PCDHA9: variants seen among roughly 807,000 people sequenced by gnomAD.
PCDHA9 encodes protocadherin alpha-9.
A neutral mutation model predicts 62.0 loss-of-function variants in PCDHA9; 62 were observed. That is an observed-to-expected ratio of 1.00 (90% confidence interval 0.81 to 1.23). The LOEUF is 1.23. PCDHA9 is among the 50% of genes most tolerant of loss of function. The pLI, the probability that PCDHA9 is intolerant of heterozygous loss-of-function variation, is 0.00. For missense variants in PCDHA9, 1,205 were observed against 1,249.8 expected (o/e 0.96, Z 0.54); for synonymous variants, 557 against 567.6 (o/e 0.98, Z 0.27).
At chr5:140,864,940 G>T (rs528676037) in intron 1 of PCDHA9, 4 of 152,296 alleles carry the variant, frequency 2.6e-5, no homozygotes, top group African/African-American at 9.6e-5. Flanking sequence ...TCTCAGGCCT[G>T]TAATCCCAGC....
In PCDHA9 at chr5:140,850,110, G is replaced by T; in HGVS notation, c.1615G>T (p.Asp539Tyr). 6.3e-7 allele frequency: 1 copy of T among 1,596,146 alleles called. No individual in the cohort carries two copies. The highest frequency in any genetic ancestry group is 1.1e-5 in the South Asian group (1 of 90,486). Residue 539 changes from aspartate (D) to tyrosine (Y), a missense_variant, in exon 1 of 4, where the codon GAC becomes TAC. By Grantham distance (160) the Asp-to-Tyr change is radical (BLOSUM62 -3). Transcript: ENST00000532602. ...GCTACAGTTCCAGGTGAGCGCGCGC[G>T]ACGCGGGCGTGCCGCCTCTGGGCAG... ...ELLQFQVSAR[D>Y]AGVPPLGSNV...
At position 140,927,139 on chromosome 5, in the gene PCDHA9, C is replaced by G. The variant is rs782726149; in HGVS notation, c.2395-51810C>G. 6 of 1,613,928 alleles carry G rather than the reference C, an allele frequency of 3.7e-6. No homozygotes were observed. The Admixed American group carries it at 5.0e-5, about 13-fold the overall frequency. On this transcript the variant is annotated intron_variant, in intron 1 of 3. Coordinates refer to ENST00000532602, the MANE Select transcript of PCDHA9 (RefSeq NM_031857.2). Reference sequence around the variant, plus strand: ...TTTGGTGGTCAGAGAGCCGGCGGACCGCGAACAGCTGTGCAGGGCCAAAGC... The same window carrying G: ...TTTGGTGGTCAGAGAGCCGGCGGACGGCGAACAGCTGTGCAGGGCCAAAGC...
chr5:140,877,793 C>T, intron 1 of PCDHA9: 1 of 1,613,948 alleles, frequency 6.2e-7, no homozygotes, highest in Non-Finnish European at 8.5e-7. Flanking sequence ...GCCTTCAGCC[C>T]AAGCCTTCAG....
chr5:140,878,856 G>T (rs1210501065), intron 1 of PCDHA9, among the ~76,000 whole-genome samples: 1 of 152,168 alleles, frequency 6.6e-6, no homozygotes, highest in Admixed American at 6.5e-5. Flanking sequence ...GGGTTCAACT[G>T]ATCCTCCATT....
At chr5:140,876,133 GAACT>G (rs782651538) in intron 1 of PCDHA9, 8 of 1,613,820 alleles carry the variant, frequency 5.0e-6, no homozygotes, top group East Asian at 2.2e-5. Flanking sequence ...CGGTAAACCA[GAACT>G]AACAGGGTCT....
chr5:140,920,640 T>C (rs1554199754), intron 1 of PCDHA9, among the ~76,000 whole-genome samples: 1 of 152,038 alleles, frequency 6.6e-6, no homozygotes, highest in African/African-American at 2.4e-5. Context: ...GGTCAAGAGA[T>C]TGAGACCATC....
At chr5:140,982,409 G>A (rs1554244106) in intron 2 of PCDHA9, 66 bp from the exon 3 acceptor site, 20 of 1,608,038 alleles carry the variant, frequency 1.2e-5, no homozygotes, top group Non-Finnish European at 1.6e-5. Flanking sequence ...CAATTTCTGA[G>A]GGTGGAAGAA....
In PCDHA9 at chr5:140,858,082, G is replaced by C; in HGVS notation, c.2394+7193G>C. 4 of 1,597,832 alleles carry C rather than the reference G, an allele frequency of 2.5e-6. 1 individual carries two copies. Among genetic ancestry groups the C allele is most frequent in the Non-Finnish European group, 3.4e-6 (4 of 1,167,698 alleles). ...AGGGCAGCCAGGCACCCAAGGCCTC[G>C]TCGCGGGCTTCAGTGGGCGTGGCGC... On this transcript the variant is annotated intron_variant, in intron 1 of 3. Transcript: ENST00000532602.
intron 1 of PCDHA9, chr5:140,877,919 T>A: frequency 7.0e-7 from 1 of 1,423,998 alleles, no homozygotes; most frequent in South Asian, 1.6e-5. Flanking sequence ...CTCTCATTTT[T>A]CTTTATGATT....
chr5:140,849,985 G>A lies in PCDHA9; in HGVS notation c.1490G>A (p.Arg497Gln), dbSNP rs2150461572. Residue 497 changes from arginine (R) to glutamine (Q), a missense_variant, in exon 1 of 4, where the codon CGG becomes CAG. Arg to Gln is a conservative substitution (Grantham distance 43). Coordinates refer to ENST00000532602, the MANE Select transcript of PCDHA9 (RefSeq NM_031857.2). ...CTGGTGTCCTACTCGCTGGTGGAGC[G>A]GCGGTTGGGCGAGCGCTCGCTGTCG... ...NALVSYSLVE[R>Q]RLGERSLSSY... 42 of 1,597,276 alleles carry A rather than the reference G, an allele frequency of 2.6e-5. No homozygotes were observed. The East Asian group carries it at 9.4e-4, about 36-fold the overall frequency.
At chr5:140,870,099 C>T in intron 1 of PCDHA9, 8 of 1,613,912 alleles carry the variant, frequency 5.0e-6, no homozygotes, top group Non-Finnish European at 6.8e-6. Context: ...TGGCAGGTCA[C>T]TGTACAGTCT....
intron 1 of PCDHA9, chr5:140,871,073 C>T (rs782763189): frequency 1.1e-5 from 18 of 1,613,090 alleles, no homozygotes; most frequent in Non-Finnish European, 1.4e-5. Context: ...GGTGAGCCGG[C>T]GCTGACGGCC....
intron 1 of PCDHA9, among the ~76,000 whole-genome samples, chr5:140,930,626 A>G (rs1554207971): frequency 6.6e-6 from 1 of 152,220 alleles, no homozygotes; most frequent in Non-Finnish European, 1.5e-5. Flanking sequence ...GGAGGTGTGT[A>G]GAAATTAAGG....
intron 1 of PCDHA9, among the ~76,000 whole-genome samples, chr5:140,935,507 G>A (rs2090409706): frequency 6.6e-6 from 1 of 152,138 alleles, no homozygotes. Context: ...CCTTACAAAT[G>A]CCCAGTAGGC....
chr5:140,891,934 T>C lies in PCDHA9; in HGVS notation c.2394+41045T>C, dbSNP rs373423866. Among the ~76,000 whole-genome samples the C allele has an allele frequency of 5.9e-5, 9 of 152,230 alleles. No homozygotes were observed. The East Asian group carries it at 9.6e-4, about 16-fold the overall frequency. ...AGATGCTGGTGCCTTGATCTTGGAC[T>C]TCCCCTAGGCTCCAGAATTGTGAGA... On this transcript the variant is annotated intron_variant, in intron 1 of 3. Transcript: ENST00000532602.
intron 1 of PCDHA9, among the ~76,000 whole-genome samples, chr5:140,953,372 A>G (rs1472097697): frequency 6.6e-6 from 1 of 151,982 alleles, no homozygotes; most frequent in Non-Finnish European, 1.5e-5. Flanking sequence ...AGGATTCTCT[A>G]CCCCTCTCAG....
Position 141,009,950 on chromosome 5 carries a change from G to C in PCDHA9, c.*13G>C, listed in dbSNP as rs782235440. On this transcript the variant is annotated 3_prime_UTR_variant, in exon 4 of 4. Coordinates refer to ENST00000532602, the MANE Select transcript of PCDHA9 (RefSeq NM_031857.2). ...CAGTGACCAGTGAGGTCCTCAAATGGAAACAAGCCACTTAGCCAGTTTTTG... is the reference window on the plus strand; with the variant it reads ...CAGTGACCAGTGAGGTCCTCAAATGCAAACAAGCCACTTAGCCAGTTTTTG... 12 of 1,593,098 alleles carry C rather than the reference G, an allele frequency of 7.5e-6. No individual in the cohort carries two copies. In the East Asian group the frequency reaches 2.5e-4, roughly 33 times the overall value.
intron 1 of PCDHA9, among the ~76,000 whole-genome samples, chr5:140,891,677 TTCTC>T (rs1335607297): frequency 2.6e-5 from 4 of 152,240 alleles, no homozygotes; most frequent in African/African-American, 9.6e-5. Context: ...AGTTTAATAA[TTCTC>T]TCTTCTTGCT....
chr5:140,899,071 C>T (rs1436283947), intron 1 of PCDHA9, among the ~76,000 whole-genome samples: 1 of 152,106 alleles, frequency 6.6e-6, no homozygotes, highest in African/African-American at 2.4e-5. Flanking sequence ...AGTTGCTTAT[C>T]AGCTTAAGGA....
Sources: allele counts gnomAD v4.1 joint callset (sites outside exome capture counted in the v4.1 genomes callset), GRCh38; gene constraint gnomAD v4.1.1; transcripts MANE v1.5; gene names NCBI Gene and HGNC (gene_info 2026-07-23, HGNC 2026-07-21).